The following EML4 variants were observed in gnomAD, a reference collection of about 807,000 sequenced individuals.
EML4 encodes the protein EMAP like 4, also known as echinoderm microtubule-associated protein-like 4.
In EML4, 72 loss-of-function variants were observed where a neutral mutation model predicts 129.0. That is an observed-to-expected ratio of 0.56 (90% CI 0.46 to 0.68). The LOEUF is 0.68. EML4 is among the 30% of genes least tolerant of loss of function. EML4 has a pLI of 0.00. For synonymous variants in EML4, 532 were observed against 405.0 expected (o/e 1.31, Z -3.77); for missense variants, 1,363 against 1,190.6 (o/e 1.14, Z -2.13).
chr2:42,260,875 A>G (rs565692922), intron 3 of EML4, among the ~76,000 whole-genome samples: 4 of 152,310 alleles, frequency 2.6e-5, no homozygotes, highest in African/African-American at 9.6e-5. Context: ...ATTAGAGACC[A>G]TTTCTGTCTA....
At chr2:42,302,695 G>A (rs910521363) in intron 14 of EML4, among the ~76,000 whole-genome samples, 2 of 151,914 alleles carry the variant, frequency 1.3e-5, no homozygotes, top group African/African-American at 4.8e-5. Context: ...CACCGCACCT[G>A]GCTGATTTTT....
At chr2:42,298,133 G>A (rs1170439629) in intron 13 of EML4, among the ~76,000 whole-genome samples, 5 of 152,204 alleles carry the variant, frequency 3.3e-5, no homozygotes, top group Non-Finnish European at 7.4e-5. Context: ...GTCTTGCAAA[G>A]GAGCTAAGAA....
intron 1 of EML4, among the ~76,000 whole-genome samples, chr2:42,221,233 A>G (rs1199996793): frequency 6.6e-6 from 1 of 152,092 alleles, no homozygotes; most frequent in Non-Finnish European, 1.5e-5. Context: ...TCAAAGGACA[A>G]GCTGACTGTT....
chr2:42,205,137 C>T (rs1425605308), intron 1 of EML4, among the ~76,000 whole-genome samples: 1 of 152,112 alleles, frequency 6.6e-6, no homozygotes, highest in Non-Finnish European at 1.5e-5. Flanking sequence ...ATGAAGGGTT[C>T]TCAACAAAGA....
chr2:42,231,847 G>T (rs936952372), intron 1 of EML4, among the ~76,000 whole-genome samples: 22 of 152,138 alleles, frequency 1.4e-4, no homozygotes, highest in African/African-American at 5.3e-4. Context: ...TACTCAGGAG[G>T]CTGAGGTGGG....
At chr2:42,305,578 A>ATT (rs1333324294) in intron 17 of EML4, among the ~76,000 whole-genome samples, 1 of 152,252 alleles carries the variant, frequency 6.6e-6, no homozygotes, top group Admixed American at 6.5e-5. Flanking sequence ...TTCTAAAATA[A>ATT]TTTAAGACCT....
intron 7 of EML4, 147 bp downstream of exon 7, chr2:42,281,120 G>C: frequency 1.5e-6 from 1 of 680,828 alleles, no homozygotes; most frequent in Non-Finnish European, 2.3e-6. Context: ...CAGGCCAGGC[G>C]CGGTGGTTCA....
In EML4 at chr2:42,303,224, G is replaced by A. The variant is rs777365315; in HGVS notation, c.1762G>A (p.Val588Ile). Reference protein sequence around the residue: ...GTFNDGFQIEVQGHTDELWGL... With the variant: ...GTFNDGFQIEIQGHTDELWGL... ...ATTTAATGATGGCTTCCAAATAGAA[G>A]TACAGGTAAGCTGTGTGATATTAAC... The change falls in exon 15 of 23, where the codon GTA (valine) becomes ATA (isoleucine). Residue 588 changes from valine (V) to isoleucine (I), a missense_variant. Physicochemically the swap from Val to Ile is conservative, Grantham distance 29. Transcript: ENST00000318522. The A allele has an allele frequency of 1.9e-5, 30 of 1,614,134 alleles. No homozygotes were observed. The highest frequency in any genetic ancestry group is 1.6e-4 in the Middle Eastern group (1 of 6,062).
At chr2:42,311,119 G>A (rs970788614) in intron 17 of EML4, among the ~76,000 whole-genome samples, 3 of 152,092 alleles carry the variant, frequency 2.0e-5, no homozygotes, top group African/African-American at 7.2e-5. Context: ...AATGACTTAA[G>A]AGTTTTAGGT....
intron 6 of EML4, among the ~76,000 whole-genome samples, chr2:42,265,122 A>G (rs531507495): frequency 8.4e-4 from 128 of 151,942 alleles, no homozygotes; most frequent in African/African-American, 2.8e-3. Flanking sequence ...ACCGAGTCTC[A>G]TTCTGTTGCC....
chr2:42,295,121 A>C lies in EML4; in HGVS notation c.1219-4A>C. On this transcript the variant is annotated splice_region_variant and splice_polypyrimidine_tract_variant and intron_variant, in intron 11 of 22. Coordinates refer to ENST00000318522, the MANE Select transcript of EML4 (RefSeq NM_019063.5). Reference sequence around the variant, plus strand: ...CATCTAAAGCTTTATTTCCCTTTTCATAGACAACAAATGAAGTTGTTTTGG... The same window carrying C: ...CATCTAAAGCTTTATTTCCCTTTTCCTAGACAACAAATGAAGTTGTTTTGG... 2 of 1,603,538 alleles carry C rather than the reference A, an allele frequency of 1.2e-6. No individual in the cohort carries two copies. The highest frequency in any genetic ancestry group is 8.5e-7 in the Non-Finnish European group (1 of 1,176,846).
At chr2:42,177,447 C>A (rs780394117) in intron 1 of EML4, among the ~76,000 whole-genome samples, 1 of 151,884 alleles carries the variant, frequency 6.6e-6, no homozygotes, top group African/African-American at 2.4e-5. Context: ...ATGGTGAGAA[C>A]CCGTCTCTAC....
intron 17 of EML4, among the ~76,000 whole-genome samples, chr2:42,311,432 G>T (rs1558601458): frequency 1.3e-5 from 2 of 152,050 alleles, no homozygotes; most frequent in Non-Finnish European, 2.9e-5. Flanking sequence ...ACATGCTTTT[G>T]GTCCCAGCTA....
At chr2:42,180,880 T>TAA (rs1670896104) in intron 1 of EML4, among the ~76,000 whole-genome samples, 2 of 152,240 alleles carry the variant, frequency 1.3e-5, no homozygotes, top group Non-Finnish European at 2.9e-5. Context: ...AACAGTTCCT[T>TAA]AGTCTTCCTT....
intron 6 of EML4, chr2:42,264,956 G>A (rs1375509527): frequency 1.3e-6 from 2 of 1,550,212 alleles, no homozygotes; most frequent in Admixed American, 2.0e-5. Flanking sequence ...GCCAAGGTAA[G>A]AATAAGCTAC....
intron 1 of EML4, among the ~76,000 whole-genome samples, chr2:42,240,895 C>G (rs1036081762): frequency 6.6e-6 from 1 of 152,118 alleles, no homozygotes; most frequent in Non-Finnish European, 1.5e-5. Context: ...AATCCCAGCA[C>G]TTTGGGAGGC....
At chr2:42,247,023 G>A (rs1316914257) in intron 2 of EML4, among the ~76,000 whole-genome samples, 1 of 152,232 alleles carries the variant, frequency 6.6e-6, no homozygotes, top group Non-Finnish European at 1.5e-5. Flanking sequence ...CTGAGTGGAA[G>A]ACGGTGGTAA....
intron 13 of EML4, among the ~76,000 whole-genome samples, chr2:42,297,825 A>C (rs1003077253): frequency 6.6e-6 from 1 of 152,176 alleles, no homozygotes; most frequent in African/African-American, 2.4e-5. Context: ...TTTCACAACT[A>C]ATCCTTTTAC....
At chr2:42,265,074 C>T (rs1369475577) in intron 6 of EML4, 1 of 913,230 alleles carries the variant, frequency 1.1e-6, no homozygotes, top group Non-Finnish European at 1.7e-6. Flanking sequence ...GTGATTTGAG[C>T]TAGATGAATC....
Sources: allele counts gnomAD v4.1 joint callset (sites outside exome capture counted in the v4.1 genomes callset), GRCh38; gene constraint gnomAD v4.1.1; transcripts MANE v1.5; gene names NCBI Gene and HGNC (gene_info 2026-07-23, HGNC 2026-07-21).